Variants in RASGRP1 observed in about 807,000 individuals in gnomAD.
RASGRP1 encodes the protein RAS guanyl releasing protein 1, also known as RAS guanyl-releasing protein 1.
Under a neutral mutation model 95.1 loss-of-function variants are expected in RASGRP1, and 37 were observed. The ratio of observed to expected loss-of-function variants is 0.39; its 90% CI spans 0.30 to 0.51. The LOEUF (loss-of-function observed/expected upper bound fraction) is 0.51. RASGRP1 is among the 20% of genes least tolerant of loss of function. RASGRP1 has a pLI of 0.80. For synonymous variants in RASGRP1, 325 were observed against 353.4 expected, an observed-to-expected ratio of 0.92 and a Z score of 0.90; for missense variants, 711 against 965.4, an observed-to-expected ratio of 0.74 and a Z score of 3.49.
intron 3 of RASGRP1, 71 bp downstream of exon 3, chr15:38,526,228 T>C: frequency 8.4e-7 from 1 of 1,195,178 alleles, no homozygotes; most frequent in Non-Finnish European, 1.2e-6. Flanking sequence ...AATAAAAGCA[T>C]ACTTCAAATT....
chr15:38,515,788 CTTT>C (rs1242778071), intron 6 of RASGRP1, among the ~76,000 whole-genome samples: 26 of 134,824 alleles, frequency 1.9e-4, no homozygotes, highest in Non-Finnish European at 1.8e-4. Flanking sequence ...ACCCCCCCCC[CTTT>C]TTTTTTTTGA....
intron 2 of RASGRP1, among the ~76,000 whole-genome samples, chr15:38,536,756 T>C (rs564343036): frequency 6.6e-5 from 10 of 152,208 alleles, no homozygotes; most frequent in Non-Finnish European, 1.3e-4. Flanking sequence ...AAAATATGCT[T>C]TTCACCACAG....
intron 10 of RASGRP1, 170 bp from the exon 11 acceptor site, chr15:38,503,546 G>A (rs974601272): frequency 8.0e-6 from 5 of 627,838 alleles, no homozygotes; most frequent in African/African-American, 7.4e-5. Flanking sequence ...AATAATTTTG[G>A]CTAACAAGGC....
At chr15:38,523,534 AT>A (rs1892079766) in intron 3 of RASGRP1, among the ~76,000 whole-genome samples, 1 of 152,148 alleles carries the variant, frequency 6.6e-6, no homozygotes, top group African/African-American at 2.4e-5. Flanking sequence ...AAAGAAAAAT[AT>A]TTTTTATCAA....
intron 9 of RASGRP1, among the ~76,000 whole-genome samples, chr15:38,507,281 G>A (rs1891297999): frequency 6.6e-6 from 1 of 152,148 alleles, no homozygotes; most frequent in Non-Finnish European, 1.5e-5. Context: ...ATATCTCCAA[G>A]AGCAAAGATC....
chr15:38,517,389 CTT>C (rs1249744012), intron 5 of RASGRP1, among the ~76,000 whole-genome samples: 1 of 152,140 alleles, frequency 6.6e-6, no homozygotes, highest in Admixed American at 6.5e-5. Context: ...TGAATAATCT[CTT>C]ATCTTTCAAG....
chr15:38,554,289 A>G (rs1186033261), intron 2 of RASGRP1, among the ~76,000 whole-genome samples: 1 of 152,110 alleles, frequency 6.6e-6, no homozygotes, highest in African/African-American at 2.4e-5. Flanking sequence ...GAGCAAAATA[A>G]CAACCACCTC....
intron 10 of RASGRP1, chr15:38,503,643 A>G (rs546981345): frequency 1.7e-5 from 8 of 474,446 alleles, no homozygotes; most frequent in African/African-American, 8.0e-5. Context: ...CTGAGTTGCA[A>G]TTCCCTCTCC....
intron 1 of RASGRP1, chr15:38,560,247 C>T (rs1292592281): frequency 1.3e-5 from 7 of 524,996 alleles, no homozygotes; most frequent in Non-Finnish European, 2.4e-5. Flanking sequence ...TAGGATTGCT[C>T]TGTCCTACTG....
rs1015864177 is a variant in RASGRP1, at chr15:38,490,373, A to T, written c.*181T>A. The T allele has an allele frequency of 1.1e-5, 6 of 544,638 alleles. No individual in the cohort carries two copies. Among genetic ancestry groups the T allele is most frequent in the Non-Finnish European group, 1.7e-5 (6 of 356,302 alleles). The allele number at this position is 544,638 out of a possible 1,614,324, so 33.7% of individuals were successfully genotyped here. ...TAGTTTTCCCCCTTTGAGTCAACTA[A>T]CTGAAAGAGAAAACAGTGCTGCACA... On this transcript the variant is annotated 3_prime_UTR_variant, in exon 17 of 17. Transcript: ENST00000310803.
intron 3 of RASGRP1, among the ~76,000 whole-genome samples, chr15:38,521,239 T>C (rs753145422): frequency 6.6e-6 from 1 of 152,226 alleles, no homozygotes; most frequent in Non-Finnish European, 1.5e-5. Flanking sequence ...TCAGATTCTA[T>C]ATTTTTATCA....
intron 16 of RASGRP1, among the ~76,000 whole-genome samples, chr15:38,493,934 T>C (rs1245553240): frequency 1.6e-4 from 24 of 152,184 alleles, no homozygotes; most frequent in Admixed American, 1.2e-3. Flanking sequence ...CTGATGAACA[T>C]GTTAAAGAGA....
At chr15:38,525,793 A>G (rs2141139669) in intron 3 of RASGRP1, among the ~76,000 whole-genome samples, 1 of 152,240 alleles carries the variant, frequency 6.6e-6, no homozygotes, top group Non-Finnish European at 1.5e-5. Context: ...ATCCCGTAAT[A>G]AGGTTAAAGT....
At chr15:38,564,570 AG>A in intron 1 of RASGRP1, 23 bp downstream of exon 1, 1 of 1,367,720 alleles carries the variant, frequency 7.3e-7, no homozygotes, top group Non-Finnish European at 9.5e-7. Flanking sequence ...GGCGCTCCCG[AG>A]GGCCACGGCC....
intron 2 of RASGRP1, among the ~76,000 whole-genome samples, chr15:38,542,998 T>G (rs1397662140): frequency 9.3e-5 from 14 of 150,654 alleles, no homozygotes; most frequent in Non-Finnish European, 1.5e-5. Context: ...TCCATTCATT[T>G]CTTTAATGGT....
intron 3 of RASGRP1, 81 bp from the exon 4 acceptor site, chr15:38,519,452 C>T: frequency 9.9e-7 from 1 of 1,006,486 alleles, no homozygotes. Context: ...TTTGCTGAAA[C>T]TACCTCCCAA....
rs750976534 is a variant in RASGRP1, at chr15:38,494,781, C to T, written c.1874-14G>A. 1.1e-5 allele frequency: 17 copies of T among 1,482,448 alleles called. No individual in the cohort carries two copies. In the East Asian group the frequency reaches 2.5e-4, roughly 22 times the overall value. 91.8% of individuals were successfully genotyped at this position (1,482,448 alleles called of 1,614,324 possible). ...CTTCCTCAGGTGCTGTAGGAAGATA[C>T]AGGACATGCTAGTACTCTAGCTCAG... On this transcript the variant is annotated splice_polypyrimidine_tract_variant and intron_variant, in intron 15 of 16. Coordinates refer to ENST00000310803, the MANE Select transcript of RASGRP1 (RefSeq NM_005739.4).
chr15:38,493,662 T>G (rs1414392689), intron 16 of RASGRP1, among the ~76,000 whole-genome samples: 2 of 152,228 alleles, frequency 1.3e-5, no homozygotes, highest in Admixed American at 6.5e-5. Flanking sequence ...GTTAACATTT[T>G]ATAGATTATA....
intron 8 of RASGRP1, among the ~76,000 whole-genome samples, chr15:38,508,744 C>G (rs537320045): frequency 1.4e-4 from 22 of 152,310 alleles, no homozygotes; most frequent in Admixed American, 2.0e-4. Context: ...AGAAAGGGAG[C>G]AGCCAGATCT....
Sources: gnomAD v4.1 joint callset for allele counts (sites outside exome capture counted in the v4.1 genomes callset) on GRCh38, gnomAD v4.1.1 for gene constraint, MANE v1.5 for transcripts, NCBI Gene and HGNC (gene_info 2026-07-23, HGNC 2026-07-21) for gene names.